ANKRD29: variants seen among roughly 807,000 people sequenced by gnomAD.
The protein encoded by ANKRD29 is ankyrin repeat domain-containing protein 29.
In ANKRD29, 32 loss-of-function variants were observed where a neutral mutation model predicts 38.0. The ratio of observed to expected loss-of-function variants is 0.84; its 90% CI spans 0.64 to 1.13. The LOEUF is 1.13. ANKRD29 is among the 50% of genes most tolerant of loss of function. The probability of loss-of-function intolerance (pLI) is 0.00; values close to 1 mark genes in which losing one functional copy is unlikely to be tolerated. For missense variants in ANKRD29, 357 were observed against 377.9 expected, an observed-to-expected ratio of 0.94 and a Z score of 0.46; for synonymous variants, 135 against 152.4, an observed-to-expected ratio of 0.89 and a Z score of 0.84.
chr18:23,602,333 G>A (rs941120098), intron 9 of ANKRD29, among the ~76,000 whole-genome samples: 3 of 152,086 alleles, frequency 2.0e-5, no homozygotes, highest in African/African-American at 7.2e-5. Flanking sequence ...ACCGCGCCCG[G>A]GCCAGATATC....
Position 23,646,213 on chromosome 18 carries a change from T to C in ANKRD29, c.207A>G (p.Gly69=). 1 of 1,614,184 alleles carries C rather than the reference T, an allele frequency of 6.2e-7. No homozygotes were observed. The highest frequency in any genetic ancestry group is 8.5e-7 in the Non-Finnish European group (1 of 1,180,036). ...CCTCTCTCTGGAGATTGATGTCTGC[T>C]CCTTGCAGAACCAGTTCCCTCACAC... The part of the protein sequence containing the change: ...IDCVRELVLQ[G]ADINLQRESG... The change falls in exon 3 of 10, where the codon GGA becomes GGG. Residue 69 remains glycine (G), a synonymous_variant. Transcript: ENST00000592179.
At chr18:23,652,634 C>A (rs370743477) in intron 1 of ANKRD29, among the ~76,000 whole-genome samples, 6 of 152,300 alleles carry the variant, frequency 3.9e-5, no homozygotes, top group Admixed American at 1.3e-4. Flanking sequence ...TGGGGCCAGT[C>A]CTCTAGCCTT....
intron 1 of ANKRD29, among the ~76,000 whole-genome samples, chr18:23,655,904 T>TA (rs1390636431): frequency 2.0e-5 from 3 of 149,350 alleles, no homozygotes; most frequent in Non-Finnish European, 4.5e-5. Flanking sequence ...CCATCCCGGC[T>TA]AAAACGGTGA....
Position 23,660,622 on chromosome 18 carries a change from A to T in ANKRD29, c.21+2088T>A, listed in dbSNP as rs549771646. ...GGAGTTCGAGACCAGGCTGGCCAAC[A>T]TGGCGAAACCCCGTCTCTACTAAAA... is the stretch of plus-strand genomic sequence containing the variant. On this transcript the variant is annotated intron_variant, in intron 1 of 9. Transcript: ENST00000592179. Among the ~76,000 whole-genome samples, 6 of 152,292 alleles carry T rather than the reference A, an allele frequency of 3.9e-5. No homozygotes were observed. The East Asian group carries it at 1.2e-3, about 29-fold the overall frequency.
intron 7 of ANKRD29, chr18:23,618,857 T>A (rs2059756641): frequency 6.7e-6 from 1 of 149,236 alleles, no homozygotes. Context: ...CTTCAGAGAT[T>A]GTGGGAAGAA....
intron 6 of ANKRD29, among the ~76,000 whole-genome samples, chr18:23,625,776 T>C (rs905168102): frequency 5.9e-5 from 9 of 152,124 alleles, no homozygotes; most frequent in Admixed American, 5.9e-4. Context: ...GGGGCCTCTG[T>C]TTCATTTTAA....
intron 4 of ANKRD29, among the ~76,000 whole-genome samples, chr18:23,636,594 T>A (rs1156350556): frequency 6.6e-6 from 1 of 151,802 alleles, no homozygotes; most frequent in African/African-American, 2.4e-5. Flanking sequence ...AAATTTTTTT[T>A]AGACAGGGTT....
chr18:23,631,264 G>T (rs2145687801), intron 5 of ANKRD29, among the ~76,000 whole-genome samples: 2 of 149,420 alleles, frequency 1.3e-5, no homozygotes, highest in South Asian at 2.1e-4. Flanking sequence ...TTTTGAGACA[G>T]GGTCTCCCTC....
chr18:23,652,941 T>C (rs1051076365), intron 1 of ANKRD29, among the ~76,000 whole-genome samples: 1 of 152,244 alleles, frequency 6.6e-6, no homozygotes, highest in African/African-American at 2.4e-5. Flanking sequence ...GCATAAATGA[T>C]AGTGGCCCTG....
chr18:23,632,533 G>GTATATATATATATATAGA (rs61584775), intron 5 of ANKRD29, among the ~76,000 whole-genome samples: 8 of 130,904 alleles, frequency 6.1e-5, no homozygotes, highest in African/African-American at 1.6e-4. Flanking sequence ...GTGTGTGTGT[G>GTATATATATATATATAGA]TATATATATA....
intron 2 of ANKRD29, 34 bp from the exon 3 acceptor site, chr18:23,646,321 C>T: frequency 6.3e-7 from 1 of 1,584,620 alleles, no homozygotes; most frequent in South Asian, 1.1e-5. Flanking sequence ...AGAGTTAGGC[C>T]ACTGCTATGT....
At position 23,599,718 on chromosome 18, in the gene ANKRD29, T is replaced by C. The variant is rs1386042527; in HGVS notation, c.*1508A>G. 6.6e-6 allele frequency: 1 copy of C among 152,236 alleles called. No homozygotes were observed. Among genetic ancestry groups the C allele is most frequent in the African/African-American group, 2.4e-5 (1 of 41,480 alleles). 9.4% of individuals were successfully genotyped at this position (152,236 alleles called of 1,614,324 possible). On this transcript the variant is annotated 3_prime_UTR_variant, in exon 10 of 10. Transcript: ENST00000592179. Reference sequence around the variant, plus strand: ...AGAATCAGGTTGCAGGCTTTTTGTATAGCTGGTCAGGCTGTAGGCACCTGT... The same window carrying C: ...AGAATCAGGTTGCAGGCTTTTTGTACAGCTGGTCAGGCTGTAGGCACCTGT...
chr18:23,638,820 A>G (rs1177757417), intron 4 of ANKRD29, 29 bp downstream of exon 4: 3 of 1,567,384 alleles, frequency 1.9e-6, no homozygotes, highest in African/African-American at 2.7e-5. Flanking sequence ...ATTCTTCAAC[A>G]TAATACAAAA....
chr18:23,660,827 A>T (rs2060350873), intron 1 of ANKRD29, among the ~76,000 whole-genome samples: 1 of 152,166 alleles, frequency 6.6e-6, no homozygotes, highest in East Asian at 1.9e-4. Flanking sequence ...ACAAACTAAC[A>T]AAAATCTGTT....
chr18:23,657,028 C>A (rs1334720374), intron 1 of ANKRD29, among the ~76,000 whole-genome samples: 2 of 152,240 alleles, frequency 1.3e-5, no homozygotes, highest in Non-Finnish European at 2.9e-5. Flanking sequence ...CACCTGGCTT[C>A]CAGGCCACTG....
chr18:23,641,695 A>G (rs1267363686), intron 3 of ANKRD29, among the ~76,000 whole-genome samples: 2 of 152,168 alleles, frequency 1.3e-5, no homozygotes, highest in African/African-American at 2.4e-5. Flanking sequence ...CCATGGACCA[A>G]TCAGCACACA....
intron 8 of ANKRD29, among the ~76,000 whole-genome samples, chr18:23,615,920 T>C (rs899694583): frequency 1.4e-5 from 2 of 144,368 alleles, no homozygotes; most frequent in African/African-American, 5.3e-5. Context: ...TACTATATAG[T>C]ATGTATATAT....
intron 6 of ANKRD29, among the ~76,000 whole-genome samples, chr18:23,621,038 C>A (rs2059791151): frequency 6.6e-6 from 1 of 152,146 alleles, no homozygotes. Context: ...ACGCATGAGG[C>A]TCTCCACCCC....
intron 3 of ANKRD29, among the ~76,000 whole-genome samples, chr18:23,643,352 A>G (rs1370508714): frequency 1.3e-5 from 2 of 152,250 alleles, no homozygotes; most frequent in East Asian, 3.8e-4. Context: ...CGGAAACCTT[A>G]GGGAATTAAT....
Sources: allele counts gnomAD v4.1 joint callset (sites outside exome capture counted in the v4.1 genomes callset), GRCh38; gene constraint gnomAD v4.1.1; transcripts MANE v1.5; gene names NCBI Gene and HGNC (gene_info 2026-07-23, HGNC 2026-07-21).